Variants in WRN observed in about 807,000 individuals in gnomAD.
WRN encodes bifunctional 3'-5' exonuclease/ATP-dependent helicase WRN.
A neutral mutation model predicts 180.7 loss-of-function variants in WRN; 149 were observed. The observed-to-expected ratio is 0.82, with a 90% CI of 0.72 to 0.94. The LOEUF (loss-of-function observed/expected upper bound fraction) is 0.94, where lower values mean the gene tolerates loss of function less well. WRN is among the 40% of genes least tolerant of loss of function. The probability of loss-of-function intolerance (pLI) is 0.00; values close to 1 mark genes in which losing one functional copy is unlikely to be tolerated. For missense variants in WRN, 1,661 were observed against 1,700.1 expected, an observed-to-expected ratio of 0.98 and a Z score of 0.40; for synonymous variants, 548 against 568.9, an observed-to-expected ratio of 0.96 and a Z score of 0.52.
At chr8:31,139,604 T>G (rs1003280691) in intron 24 of WRN, among the ~76,000 whole-genome samples, 3 of 152,178 alleles carry the variant, frequency 2.0e-5, no homozygotes, top group Admixed American at 6.5e-5. Flanking sequence ...GCTTCTACCT[T>G]TGCATGCTCT....
At position 31,116,531 on chromosome 8, in the gene WRN, A is replaced by G. The variant is rs2130306375; in HGVS notation, c.2448+3A>G. On this transcript the variant is annotated splice_donor_region_variant and intron_variant, in intron 20 of 34. Transcript: ENST00000298139. The stretch of plus-strand genomic sequence containing the variant: ...GGTTTGTAAGAGATGAAATTCAGGT[A>G]TGAGGATCAATCATCATTGCTCTCC... 2 of 1,613,662 alleles carry G rather than the reference A, an allele frequency of 1.2e-6. No homozygotes were observed. Among genetic ancestry groups the G allele is most frequent in the Non-Finnish European group, 1.7e-6 (2 of 1,179,802 alleles).
rs779140898 is a variant in WRN, at chr8:31,116,467, C to T, written c.2387C>T (p.Ala796Val). 5.6e-6 allele frequency: 9 copies of T among 1,613,816 alleles called. No individual in the cohort carries two copies. The highest frequency in any genetic ancestry group is 1.1e-5 in the South Asian group (1 of 91,076). Residue 796 changes from alanine to valine, a missense_variant, in exon 20 of 35, where the codon GCG becomes GTG. Physicochemically the swap from Ala to Val is moderately conservative, Grantham distance 64 (BLOSUM62 0). Coordinates refer to ENST00000298139, the MANE Select transcript of WRN (RefSeq NM_000553.6). ...KLNLSCGTYH[A>V]GMSFSTRKDI... ...AATCTATCCTGTGGAACATACCATG[C>T]GGGCATGAGTTTTAGCACAAGGAAA...
chr8:31,051,294 A>G (rs1812069610), intron 1 of WRN, among the ~76,000 whole-genome samples: 1 of 152,138 alleles, frequency 6.6e-6, no homozygotes, highest in Non-Finnish European at 1.5e-5. Flanking sequence ...TCTATTTTCT[A>G]GAAGATGACA....
chr8:31,076,346 A>G (rs1813096401), intron 8 of WRN, 59 bp downstream of exon 8: 4 of 1,383,752 alleles, frequency 2.9e-6, no homozygotes, highest in African/African-American at 1.5e-5. Flanking sequence ...TTTTTATCAC[A>G]TTTTCCTATA....
At chr8:31,117,803 G>T (rs1193741514) in intron 20 of WRN, among the ~76,000 whole-genome samples, 1 of 152,052 alleles carries the variant, frequency 6.6e-6, no homozygotes, top group African/African-American at 2.4e-5. Flanking sequence ...ATGCATACCC[G>T]CCTGAAAGCA....
chr8:31,052,092 C>A (rs1347042109), intron 1 of WRN, among the ~76,000 whole-genome samples: 1 of 152,098 alleles, frequency 6.6e-6, no homozygotes, highest in Non-Finnish European at 1.5e-5. Context: ...GCCTGTAAGG[C>A]CTAGAATAGT....
intron 1 of WRN, among the ~76,000 whole-genome samples, chr8:31,049,856 A>G (rs1812020271): frequency 6.6e-6 from 1 of 152,080 alleles, no homozygotes; most frequent in African/African-American, 2.4e-5. Context: ...ATTATAGTTT[A>G]AAAGAAGTGA....
chr8:31,049,210 C>CAAA (rs72226104), intron 1 of WRN, among the ~76,000 whole-genome samples: 944 of 31,734 alleles, frequency 0.03, 143 homozygotes, highest in South Asian at 0.035. Flanking sequence ...GACTCTGTCT[C>CAAA]AAAAAAAAAA....
chr8:31,081,687 A>G (rs995118998), intron 9 of WRN, among the ~76,000 whole-genome samples: 1 of 152,078 alleles, frequency 6.6e-6, no homozygotes, highest in Non-Finnish European at 1.5e-5. Context: ...GATTCTCTTC[A>G]TATCTACTAG....
At chr8:31,054,303 A>C (rs987604553) in intron 1 of WRN, among the ~76,000 whole-genome samples, 1 of 152,212 alleles carries the variant, frequency 6.6e-6, no homozygotes, top group African/African-American at 2.4e-5. Context: ...AGGGAAAACA[A>C]CTTTTTATAC....
chr8:31,108,848 C>G (rs1165951914), intron 18 of WRN, among the ~76,000 whole-genome samples: 3 of 152,074 alleles, frequency 2.0e-5, no homozygotes, highest in Admixed American at 1.3e-4. Context: ...AAAGGAGATG[C>G]CTGAGGGTCA....
At chr8:31,068,409 CA>C in intron 7 of WRN, 82 bp downstream of exon 7, 1 of 1,193,802 alleles carries the variant, frequency 8.4e-7, no homozygotes, top group Non-Finnish European at 1.2e-6. Flanking sequence ...CACATATTTG[CA>C]AAGCATTTAG....
intron 16 of WRN, among the ~76,000 whole-genome samples, chr8:31,093,518 G>T (rs907796226): frequency 2.6e-5 from 4 of 151,994 alleles, no homozygotes; most frequent in African/African-American, 9.7e-5. Flanking sequence ...TATTTTTCTG[G>T]TTTTGGACTG....
intron 22 of WRN, 48 bp downstream of exon 22, chr8:31,124,671 C>T (rs1358763979): frequency 6.6e-7 from 1 of 1,505,472 alleles, no homozygotes; most frequent in Admixed American, 1.7e-5. Context: ...ATGGATGATG[C>T]TCTTTTAAGA....
chr8:31,151,841 A>G (rs1330113367), intron 31 of WRN, among the ~76,000 whole-genome samples: 1 of 152,164 alleles, frequency 6.6e-6, no homozygotes, highest in African/African-American at 2.4e-5. Context: ...TTATTTAAAA[A>G]AAAACAACTT....
intron 30 of WRN, among the ~76,000 whole-genome samples, chr8:31,149,851 G>A (rs1055851108): frequency 6.6e-6 from 1 of 152,072 alleles, no homozygotes; most frequent in Non-Finnish European, 1.5e-5. Context: ...ATGGGTTCTT[G>A]GATATTGGAC....
In WRN at chr8:31,167,334, G is replaced by A. The variant is rs1309461547; in HGVS notation, c.4191+104G>A. On this transcript the variant is annotated intron_variant, in intron 34 of 34. Transcript: ENST00000298139. ...TTTGAACTGTTATGAATTCTGATAT[G>A]ATTACTTTCTCTATGTGCTACATTT... is the stretch of plus-strand genomic sequence containing the variant. 3 of 938,520 alleles carry A rather than the reference G, an allele frequency of 3.2e-6. No individual in the cohort carries two copies. In the African/African-American group the frequency reaches 5.0e-5, roughly 16 times the overall value. 58.1% of individuals were successfully genotyped at this position (938,520 alleles called of 1,614,324 possible).
At chr8:31,053,771 T>C (rs1410644682) in intron 1 of WRN, among the ~76,000 whole-genome samples, 2 of 152,230 alleles carry the variant, frequency 1.3e-5, no homozygotes, top group African/African-American at 4.8e-5. Flanking sequence ...TTTTAAGTGA[T>C]GTTTAATTGG....
intron 34 of WRN, among the ~76,000 whole-genome samples, chr8:31,171,756 A>G (rs150115479): frequency 1.8e-4 from 27 of 152,320 alleles, no homozygotes; most frequent in Non-Finnish European, 2.8e-4. Context: ...CTGTTTTCCT[A>G]CTGTTAAATA....
Sources: gnomAD v4.1 joint callset for allele counts (sites outside exome capture counted in the v4.1 genomes callset) on GRCh38, gnomAD v4.1.1 for gene constraint, MANE v1.5 for transcripts, NCBI Gene and HGNC (gene_info 2026-07-23, HGNC 2026-07-21) for gene names.